Variants in KIAA1191 observed in about 807,000 individuals in gnomAD.
KIAA1191 encodes the protein KIAA1191, also known as putative monooxygenase p33MONOX.
A neutral mutation model predicts 31.1 loss-of-function variants in KIAA1191; 22 were observed. The observed-to-expected ratio is 0.71, with a 90% confidence interval of 0.51 to 1.01. The LOEUF is 1.01. Among genes scored for constraint, KIAA1191 ranks in the 50% least tolerant of loss-of-function variants. KIAA1191 has a pLI of 0.00. For synonymous variants in KIAA1191, 130 were observed against 143.9 expected, an observed-to-expected ratio of 0.90 and a Z score of 0.69; for missense variants, 319 against 388.0, an observed-to-expected ratio of 0.82 and a Z score of 1.49.
chr5:176,350,873 A>T (rs918283537), intron 5 of KIAA1191, 136 bp from the exon 6 acceptor site: 9 of 1,067,360 alleles, frequency 8.4e-6, no homozygotes, highest in Non-Finnish European at 1.1e-5. Context: ...GACTTTCCCC[A>T]GAGAGGCACC....
In KIAA1191 at chr5:176,347,913, T is replaced by C. The variant is rs1432168514; in HGVS notation, c.709+8A>G. 3.1e-6 allele frequency: 5 copies of C among 1,614,128 alleles called. No individual in the cohort carries two copies. The highest frequency in any genetic ancestry group is 4.2e-6 in the Non-Finnish European group (5 of 1,180,008). On this transcript the variant is annotated splice_region_variant and intron_variant, in intron 8 of 8. Coordinates refer to ENST00000298569, the MANE Select transcript of KIAA1191 (RefSeq NM_020444.5). ...ATGCTGCTCTCTTTTTTGAAGGTGC[T>C]GCCTTACCAGAATCGTACTTCTGAA... is the stretch of plus-strand genomic sequence containing the variant.
At chr5:176,348,141 G>A in intron 7 of KIAA1191, 78 bp from the exon 8 acceptor site, 1 of 1,597,082 alleles carries the variant, frequency 6.3e-7, no homozygotes, top group South Asian at 1.1e-5. Flanking sequence ...AAAAGAACAG[G>A]GAACTATCCC....
In KIAA1191 at chr5:176,346,235, GACA is replaced by G. The variant is rs1465589733; in HGVS notation, c.*1362_*1364del. On this transcript the variant is annotated 3_prime_UTR_variant, in exon 9 of 9. Transcript: ENST00000298569. ...AGCAGGTATTTGAGACAGTGTTCAAGACAACAAGTGAACTTGTACACAGTGAAG... is the reference window on the plus strand; with the variant it reads ...AGCAGGTATTTGAGACAGTGTTCAAGACAAGTGAACTTGTACACAGTGAAG... The G allele has an allele frequency of 2.0e-5, 3 of 152,220 alleles. No individual in the cohort carries two copies. The highest frequency in any genetic ancestry group is 4.4e-5 in the Non-Finnish European group (3 of 68,040). 9.4% of individuals were successfully genotyped at this position (152,220 alleles called of 1,614,324 possible).
intron 6 of KIAA1191, among the ~76,000 whole-genome samples, chr5:176,350,326 T>C (rs1056820248): frequency 5.3e-5 from 8 of 152,240 alleles, no homozygotes; most frequent in African/African-American, 1.9e-4. Context: ...GTTACCTCTG[T>C]TGAGGCTGCC....
intron 7 of KIAA1191, 36 bp from the exon 8 acceptor site, chr5:176,348,099 C>G (rs1218825679): frequency 6.2e-7 from 1 of 1,610,934 alleles, no homozygotes; most frequent in Non-Finnish European, 8.5e-7. Context: ...CCTAAAATAC[C>G]TCTTCCTTCG....
At chr5:176,356,882 T>C (rs1388112953) in intron 3 of KIAA1191, among the ~76,000 whole-genome samples, 1 of 152,220 alleles carries the variant, frequency 6.6e-6, no homozygotes, top group Non-Finnish European at 1.5e-5. Flanking sequence ...TTATTATTAC[T>C]ATTGCTATTA....
chr5:176,348,699 T>A (rs957367606), intron 6 of KIAA1191, among the ~76,000 whole-genome samples: 2 of 151,976 alleles, frequency 1.3e-5, no homozygotes, highest in South Asian at 4.2e-4. Context: ...CTTCTTGGCC[T>A]TTTAAGCAGG....
chr5:176,354,026 G>T lies in KIAA1191; in HGVS notation c.208-1278C>A, dbSNP rs115821959. ...AGGGGCACTTTCTTAGAAAGGAGCT[G>T]TCTGCCCTGAAAGTCTGTTGGAGGC... On this transcript the variant is annotated intron_variant, in intron 4 of 8. Coordinates refer to ENST00000298569, the MANE Select transcript of KIAA1191 (RefSeq NM_020444.5). Among the ~76,000 whole-genome samples, 945 of 152,338 alleles carry T rather than the reference G, an allele frequency of 6.2e-3. 12 individuals are homozygous for T. Among genetic ancestry groups the T allele is most frequent in the African/African-American group, 0.022 (896 of 41,572 alleles).
At chr5:176,350,529 T>G in intron 6 of KIAA1191, 84 bp downstream of exon 6, 1 of 1,529,356 alleles carries the variant, frequency 6.5e-7, no homozygotes. Context: ...CCCAACTAAC[T>G]GAGCTGGTAA....
At chr5:176,350,907 A>G (rs1766936658) in intron 5 of KIAA1191, among the ~76,000 whole-genome samples, 170 bp from the exon 6 acceptor site, 1 of 152,190 alleles carries the variant, frequency 6.6e-6, no homozygotes, top group African/African-American at 2.4e-5. Flanking sequence ...TGAACCTCAC[A>G]CAAAGGCTCT....
Position 176,355,736 on chromosome 5 carries a change from A to G in KIAA1191, c.42T>C (p.Ser14=). 6.8e-6 allele frequency: 11 copies of G among 1,614,054 alleles called. No homozygotes were observed. Among genetic ancestry groups the G allele is most frequent in the Non-Finnish European group, 9.3e-6 (11 of 1,180,030 alleles). ...RQPEVPALEA[S]APLGKMSLPI... ...GCAGGGACATCTTGCCTAGAGGCGC[A>G]CTAGCCTCAAGAGCTAAGAACAGAG... The change falls in exon 4 of 9, where the codon AGT becomes AGC. Residue 14 remains serine (S), a synonymous_variant. Transcript: ENST00000298569. The surrounding 1 kb of genome is among the most constrained non-coding windows in gnomAD (Gnocchi z 4.2).
rs1412326964 is a variant in KIAA1191 at position 176,355,094 on chromosome 5, A to G, written c.207+477T>C. Reference sequence around the variant, plus strand: ...GAATTTTAGGTAACTTGCACAGTTCAAGCACTGGGTAGGGGAGCTGGAGAG... The same window carrying G: ...GAATTTTAGGTAACTTGCACAGTTCGAGCACTGGGTAGGGGAGCTGGAGAG... On this transcript the variant is annotated intron_variant, in intron 4 of 8. Transcript: ENST00000298569. This position sits in a 1 kb window ranked among gnomAD's most constrained non-coding sequence, Gnocchi z 4.2. Among the ~76,000 whole-genome samples the G allele has an allele frequency of 6.6e-6, 1 of 152,206 alleles. No homozygotes were observed. The highest frequency in any genetic ancestry group is 1.5e-5 in the Non-Finnish European group (1 of 68,048).
chr5:176,347,987 T>C lies in KIAA1191; in HGVS notation c.643A>G (p.Lys215Glu), dbSNP rs149112996. Residue 215 changes from lysine (K) to glutamate (E), a missense_variant, in exon 8 of 9, where the codon AAG becomes GAG. Physicochemically the swap from Lys to Glu is moderately conservative, Grantham distance 56 (BLOSUM62 1). Coordinates refer to ENST00000298569, the MANE Select transcript of KIAA1191 (RefSeq NM_020444.5). ...CACTTATCTGACAAGTTTCTGTCCTTATCCCCACTTCCAGAGTCCATGGTG... is the reference window on the plus strand; with the variant it reads ...CACTTATCTGACAAGTTTCTGTCCTCATCCCCACTTCCAGAGTCCATGGTG... ...PSTMDSGSGD[K>E]DRNLSDKWSL... 5.4e-5 allele frequency: 87 copies of C among 1,614,172 alleles called. No individual in the cohort carries two copies. The highest frequency in any genetic ancestry group is 7.2e-5 in the Non-Finnish European group (85 of 1,180,030).
rs771617235 is a variant in KIAA1191, at chr5:176,348,406, C to G, written c.460-50G>C. 5 of 1,425,068 alleles carry G rather than the reference C, an allele frequency of 3.5e-6. No individual in the cohort carries two copies. The Admixed American group carries it at 9.0e-5, about 26-fold the overall frequency. 88.3% of individuals were successfully genotyped at this position (1,425,068 alleles called of 1,614,324 possible). A position where few individuals can be genotyped will look rare whatever the true frequency, so the allele number is the denominator to read the frequency against. ...ACTTTTTAAAAATGAAAGCAAATTCCAAACAGATAAGTCTAGGCATAAAAA... is the reference window on the plus strand; with the variant it reads ...ACTTTTTAAAAATGAAAGCAAATTCGAAACAGATAAGTCTAGGCATAAAAA... On this transcript the variant is annotated intron_variant, in intron 6 of 8. Coordinates refer to ENST00000298569, the MANE Select transcript of KIAA1191 (RefSeq NM_020444.5).
At chr5:176,360,344 G>A (rs1428373531) in intron 1 of KIAA1191, among the ~76,000 whole-genome samples, 1 of 151,644 alleles carries the variant, frequency 6.6e-6, no homozygotes, top group Non-Finnish European at 1.5e-5. Context: ...TTTTAGTAGA[G>A]ATGGGGTTTC....
At chr5:176,359,733 C>T (rs1408507092) in intron 2 of KIAA1191, 78 bp downstream of exon 2, 1 of 505,936 alleles carries the variant, frequency 2.0e-6, no homozygotes, top group Non-Finnish European at 3.7e-6. Flanking sequence ...TCAAACGTCT[C>T]ACCACACCTG....
intron 3 of KIAA1191, 66 bp downstream of exon 3, chr5:176,359,415 G>T: frequency 1.4e-6 from 2 of 1,449,648 alleles, no homozygotes; most frequent in Non-Finnish European, 1.9e-6. Context: ...CGATAAAATG[G>T]TTTCTGTCTA....
At chr5:176,349,488 T>C (rs928071560) in intron 6 of KIAA1191, among the ~76,000 whole-genome samples, 1 of 152,214 alleles carries the variant, frequency 6.6e-6, no homozygotes, top group Admixed American at 6.5e-5. Context: ...AAGACCAGCC[T>C]GGCCAACATG....
Position 176,355,179 on chromosome 5 carries a change from G to A in KIAA1191, c.207+392C>T, listed in dbSNP as rs1185292670. 1.3e-5 allele frequency among the ~76,000 whole-genome samples: 2 copies of A among 151,986 alleles called. No individual in the cohort carries two copies. The highest frequency in any genetic ancestry group is 2.4e-5 in the African/African-American group (1 of 41,358). ...TCATGCTGAGCTTGGATTTAGCTCTGTGGGGAATATGAAGAGTCTCAGGAG... is the reference window on the plus strand; with the variant it reads ...TCATGCTGAGCTTGGATTTAGCTCTATGGGGAATATGAAGAGTCTCAGGAG... On this transcript the variant is annotated intron_variant, in intron 4 of 8. Transcript: ENST00000298569. This position sits in a 1 kb window ranked among gnomAD's most constrained non-coding sequence, Gnocchi z 4.2.
Sources: allele counts gnomAD v4.1 joint callset (sites outside exome capture counted in the v4.1 genomes callset), GRCh38; gene constraint gnomAD v4.1.1; non-coding constraint Gnocchi (gnomAD v3.1); transcripts MANE v1.5; gene names NCBI Gene and HGNC (gene_info 2026-07-23, HGNC 2026-07-21).